The following SLBP variants were observed in gnomAD, a reference collection of about 807,000 sequenced individuals.
The protein encoded by SLBP is stem-loop histone mRNA binding protein, also known as histone RNA hairpin-binding protein.
A neutral mutation model predicts 39.2 loss-of-function variants in SLBP; 29 were observed. That is an observed-to-expected ratio of 0.74 (90% CI 0.55 to 1.01). The LOEUF (loss-of-function observed/expected upper bound fraction) is 1.01. Ranked by LOEUF, SLBP falls within the 50% of genes least tolerant of loss-of-function variation. The pLI, the probability that SLBP is intolerant of heterozygous loss-of-function variation, is 0.00. For missense variants in SLBP, 390 were observed against 350.2 expected, an observed-to-expected ratio of 1.11 and a Z score of -0.91; for synonymous variants, 129 against 118.7, an observed-to-expected ratio of 1.09 and a Z score of -0.57.
chr4:1,702,485 C>T (rs1027108821), intron 3 of SLBP, among the ~76,000 whole-genome samples: 4 of 152,198 alleles, frequency 2.6e-5, no homozygotes, highest in Non-Finnish European at 4.4e-5. Context: ...GCGGCTGACA[C>T]GCAAGACACA....
At chr4:1,702,528 T>G (rs936801876) in intron 3 of SLBP, among the ~76,000 whole-genome samples, 1 of 152,246 alleles carries the variant, frequency 6.6e-6, no homozygotes, top group Non-Finnish European at 1.5e-5. Context: ...CAGCCACTTG[T>G]TGGCTAAAAT....
At position 1,698,143 on chromosome 4, in the gene SLBP, C is replaced by T. The variant is rs148226091; in HGVS notation, c.479+1421G>A. On this transcript the variant is annotated intron_variant, in intron 5 of 7. Transcript: ENST00000489418. ...GTGGGAGGCAGAGACAGACGGATCACGAGATCAGCAGTGCGAGACCAGCCT... is the reference window on the plus strand; with the variant it reads ...GTGGGAGGCAGAGACAGACGGATCATGAGATCAGCAGTGCGAGACCAGCCT... 4.2e-3 allele frequency among the ~76,000 whole-genome samples: 631 copies of T among 151,866 alleles called. 3 individuals carry two copies. Among genetic ancestry groups the T allele is most frequent in the African/African-American group, 0.015 (607 of 41,446 alleles).
intron 2 of SLBP, among the ~76,000 whole-genome samples, chr4:1,706,077 G>C (rs761608724): frequency 2.0e-5 from 3 of 152,162 alleles, no homozygotes. Context: ...CCAAGGTAAG[G>C]AGTTTGAGAC....
Position 1,696,266 on chromosome 4 carries a change from G to A in SLBP, c.565C>T (p.Leu189Phe), listed in dbSNP as rs1716100627. The A allele has an allele frequency of 6.2e-7, 1 of 1,605,506 alleles. No homozygotes were observed. Among genetic ancestry groups the A allele is most frequent in the South Asian group, 1.1e-5 (1 of 89,356 alleles). Residue 189 changes from leucine (L) to phenylalanine (F), a missense_variant, in exon 6 of 8, where the codon CTC becomes TTC. Coordinates refer to ENST00000489418, the MANE Select transcript of SLBP (RefSeq NM_006527.4). ...CAAAAATGCAGAGCCACCTTCCAGA[G>A]TTTGATTTGCTGGTCCCATGAACGT... ...SRRSWDQQIKLWKVALHFWDP... is the reference protein window; with the variant it reads ...SRRSWDQQIKFWKVALHFWDP...
Position 1,699,675 on chromosome 4 carries a change from G to A in SLBP, c.368C>T (p.Thr123Ile). The A allele has an allele frequency of 6.2e-7, 1 of 1,613,696 alleles. No homozygotes were observed. Among genetic ancestry groups the A allele is most frequent in the Non-Finnish European group, 8.5e-7 (1 of 1,179,680 alleles). The change falls in exon 5 of 8, where the codon ACT becomes ATT. Residue 123 changes from threonine (T) to isoleucine (I), a missense_variant. Transcript: ENST00000489418. Reference sequence around the variant, plus strand: ...ATCTGTCTCAAAGTCAGCCGGCACAGTAGACATAGACTCCTTTGAATCAGA... The same window carrying A: ...ATCTGTCTCAAAGTCAGCCGGCACAATAGACATAGACTCCTTTGAATCAGA... Reference protein sequence around the residue: ...GSSDSKESMSTVPADFETDES... With the variant: ...GSSDSKESMSIVPADFETDES...
chr4:1,696,124 C>T, intron 6 of SLBP, 78 bp downstream of exon 6: 1 of 1,302,268 alleles, frequency 7.7e-7, no homozygotes, highest in Admixed American at 2.7e-5. Context: ...ACCAGACCTC[C>T]TGTCCCAGTG....
At chr4:1,710,182 T>C (rs925064228) in intron 2 of SLBP, among the ~76,000 whole-genome samples, 4 of 152,358 alleles carry the variant, frequency 2.6e-5, no homozygotes, top group Non-Finnish European at 4.4e-5. Flanking sequence ...CCCAGCCCCC[T>C]AGACCCAAGT....
At chr4:1,708,058 G>C (rs1205819924) in intron 2 of SLBP, among the ~76,000 whole-genome samples, 3 of 144,730 alleles carry the variant, frequency 2.1e-5, no homozygotes, top group African/African-American at 7.8e-5. Context: ...CAGCCTGGGC[G>C]ACAGAGCAAG....
chr4:1,695,203 T>C (rs1716062102), intron 6 of SLBP, among the ~76,000 whole-genome samples: 1 of 152,170 alleles, frequency 6.6e-6, no homozygotes, highest in African/African-American at 2.4e-5. Context: ...AATGGGACAA[T>C]GGTGTCACAC....
In SLBP at chr4:1,699,630, C is replaced by G; in HGVS notation, c.413G>C (p.Arg138Thr). 6.2e-7 allele frequency: 1 copy of G among 1,613,442 alleles called. No individual in the cohort carries two copies. Among genetic ancestry groups the G allele is most frequent in the Non-Finnish European group, 8.5e-7 (1 of 1,179,356 alleles). The change falls in exon 5 of 8, where the codon AGA becomes ACA. Residue 138 changes from arginine to threonine, a missense_variant. Physicochemically the swap from Arg to Thr is moderately conservative, Grantham distance 71 (BLOSUM62 -1). Coordinates refer to ENST00000489418, the MANE Select transcript of SLBP (RefSeq NM_006527.4). ...CTTCCCATAGTTGATCTGCTTCTGT[C>G]TCCTCATTAGGACACTTTCATCTGT... ...FETDESVLMR[R>T]QKQINYGKNT...
Position 1,693,660 on chromosome 4 carries a change from C to T in SLBP, c.750G>A (p.Glu250=). The change falls in exon 8 of 8, where the codon GAG becomes GAA. Residue 250 remains glutamate, a synonymous_variant. Transcript: ENST00000489418. The part of the protein sequence containing the change: ...TKVRHMDSQV[E]DEFDLEACLT... Reference sequence around the variant, plus strand: ...AACAAGCTTCCAAATCAAACTCATCCTCCACTTGACTGTCCATGTGTCTCA... The same window carrying T: ...AACAAGCTTCCAAATCAAACTCATCTTCCACTTGACTGTCCATGTGTCTCA... The T allele has an allele frequency of 6.2e-7, 1 of 1,614,074 alleles. No homozygotes were observed. The highest frequency in any genetic ancestry group is 8.5e-7 in the Non-Finnish European group (1 of 1,179,902).
chr4:1,697,771 G>C (rs893459600), intron 5 of SLBP, among the ~76,000 whole-genome samples: 1 of 152,138 alleles, frequency 6.6e-6, no homozygotes, highest in Non-Finnish European at 1.5e-5. Flanking sequence ...TTGAACCTGG[G>C]AGGCGGAGGT....
intron 2 of SLBP, among the ~76,000 whole-genome samples, 193 bp from the exon 3 acceptor site, chr4:1,703,893 C>G (rs1056609858): frequency 2.0e-5 from 3 of 152,158 alleles, no homozygotes; most frequent in African/African-American, 7.2e-5. Context: ...AGTGAGACCT[C>G]ATCTCTGTCC....
In SLBP at chr4:1,693,694, G is replaced by A. The variant is rs1560238407; in HGVS notation, c.716C>T (p.Pro239Leu). 10 of 1,612,380 alleles carry A rather than the reference G, an allele frequency of 6.2e-6. No homozygotes were observed. Among genetic ancestry groups the A allele is most frequent in the Admixed American group, 1.7e-5 (1 of 60,008 alleles). Residue 239 changes from proline (P) to leucine (L), a missense_variant, in exon 8 of 8, where the codon CCC (proline) becomes CTC (leucine). Coordinates refer to ENST00000489418, the MANE Select transcript of SLBP (RefSeq NM_006527.4). ...ACTGTCCATGTGTCTCACCTTGGTGGGTGTGCCAGAGTACACATCCTGGAA... is the reference window on the plus strand; with the variant it reads ...ACTGTCCATGTGTCTCACCTTGGTGAGTGTGCCAGAGTACACATCCTGGAA... The part of the protein sequence containing the change: ...QDDFDVYSGT[P>L]TKVRHMDSQV...
At chr4:1,706,991 G>A (rs955113615) in intron 2 of SLBP, among the ~76,000 whole-genome samples, 8 of 150,454 alleles carry the variant, frequency 5.3e-5, no homozygotes, top group South Asian at 2.1e-4. Flanking sequence ...AGGCCGAGGC[G>A]GGTGGATCAT....
chr4:1,711,114 G>A (rs1167639762), intron 2 of SLBP, among the ~76,000 whole-genome samples: 9 of 148,836 alleles, frequency 6.0e-5, no homozygotes, highest in African/African-American at 2.0e-4. Flanking sequence ...TCCGCGCTCA[G>A]CATAATTTTT....
intron 5 of SLBP, among the ~76,000 whole-genome samples, chr4:1,697,504 C>T (rs1453769018): frequency 2.0e-5 from 3 of 151,588 alleles, no homozygotes; most frequent in Admixed American, 2.0e-4. Flanking sequence ...AACTGAGATC[C>T]TACAAAATGA....
chr4:1,696,195 G>A lies in SLBP; in HGVS notation c.629+7C>T. The A allele has an allele frequency of 1.3e-6, 2 of 1,586,034 alleles. No homozygotes were observed. The highest frequency in any genetic ancestry group is 1.7e-6 in the Non-Finnish European group (2 of 1,167,242). Reference sequence around the variant, plus strand: ...AATCACAGGACAAGAATGCAATAAAGACATACATTTCTTGCAAATCACATC... The same window carrying A: ...AATCACAGGACAAGAATGCAATAAAAACATACATTTCTTGCAAATCACATC... On this transcript the variant is annotated splice_region_variant and intron_variant, in intron 6 of 7. Coordinates refer to ENST00000489418, the MANE Select transcript of SLBP (RefSeq NM_006527.4).
chr4:1,704,583 ATG>A, intron 2 of SLBP, among the ~76,000 whole-genome samples: 2 of 152,220 alleles, frequency 1.3e-5, no homozygotes, highest in Non-Finnish European at 2.9e-5. Flanking sequence ...ATCTAGACAG[ATG>A]TGTGCATGCT....
Sources: allele counts gnomAD v4.1 joint callset (sites outside exome capture counted in the v4.1 genomes callset), GRCh38; gene constraint gnomAD v4.1.1; transcripts MANE v1.5; gene names NCBI Gene and HGNC (gene_info 2026-07-23, HGNC 2026-07-21).